The following IPCEF1 variants were observed in gnomAD, a reference collection of about 807,000 sequenced individuals.
The protein encoded by IPCEF1 is interaction protein for cytohesin exchange factors 1.
A neutral mutation model predicts 50.9 loss-of-function variants in IPCEF1; 31 were observed. That is an observed-to-expected ratio of 0.61 (90% CI 0.46 to 0.82). The LOEUF (loss-of-function observed/expected upper bound fraction) is 0.82, where lower values mean the gene tolerates loss of function less well. IPCEF1 is among the 40% of genes least tolerant of loss of function. The pLI is 0.00. For missense variants in IPCEF1, 458 were observed against 514.0 expected (o/e 0.89, Z 1.05); for synonymous variants, 181 against 192.0 (o/e 0.94, Z 0.47).
chr6:154,352,536 A>G (rs1380452493), intron 1 of IPCEF1, among the ~76,000 whole-genome samples: 1 of 152,158 alleles, frequency 6.6e-6, no homozygotes, highest in Non-Finnish European at 1.5e-5. Flanking sequence ...TTCTATGTCA[A>G]TCCCTGTGTC....
At chr6:154,248,306 C>CATGTGTGTGT (rs1554298776) in intron 3 of IPCEF1, among the ~76,000 whole-genome samples, 1 of 147,242 alleles carries the variant, frequency 6.8e-6, no homozygotes, top group Non-Finnish European at 1.5e-5. Flanking sequence ...CTTTAAAATA[C>CATGTGTGTGT]GTGTGTGTGT....
chr6:154,248,348 GAA>G (rs1185704820), intron 3 of IPCEF1, among the ~76,000 whole-genome samples: 6 of 144,500 alleles, frequency 4.2e-5, no homozygotes, highest in Non-Finnish European at 6.2e-5. Context: ...TAGAGAGAGA[GAA>G]AAAAAATTTT....
chr6:154,294,354 TAGA>T (rs1305970617), intron 1 of IPCEF1, among the ~76,000 whole-genome samples: 4 of 152,102 alleles, frequency 2.6e-5, no homozygotes, highest in African/African-American at 9.7e-5. Context: ...TGAAAATAAG[TAGA>T]AGTAGGTAAA....
intron 9 of IPCEF1, among the ~76,000 whole-genome samples, chr6:154,203,409 T>G (rs1002713390): frequency 7.9e-5 from 12 of 152,290 alleles, no homozygotes; most frequent in Admixed American, 5.2e-4. Context: ...CCTTGAACAG[T>G]AGGGATTCAA....
At chr6:154,291,289 T>C (rs189215488) in intron 1 of IPCEF1, among the ~76,000 whole-genome samples, 1 of 152,358 alleles carries the variant, frequency 6.6e-6, no homozygotes, top group Admixed American at 6.5e-5. Context: ...AAAATCTATA[T>C]ATTTGCATCT....
At chr6:154,314,176 G>T (rs1583979264) in intron 1 of IPCEF1, among the ~76,000 whole-genome samples, 1 of 152,122 alleles carries the variant, frequency 6.6e-6, no homozygotes, top group Admixed American at 6.5e-5. Context: ...ATTATAGAGT[G>T]CTTTTAATCT....
At chr6:154,227,271 C>G (rs973705080) in intron 5 of IPCEF1, among the ~76,000 whole-genome samples, 3 of 151,954 alleles carry the variant, frequency 2.0e-5, no homozygotes, top group African/African-American at 7.3e-5. Context: ...TTCCATGGAG[C>G]TGAATTAGAA....
At chr6:154,248,068 C>T (rs1345141703) in intron 3 of IPCEF1, among the ~76,000 whole-genome samples, 8 of 152,270 alleles carry the variant, frequency 5.3e-5, no homozygotes, top group African/African-American at 1.7e-4. Context: ...CCCTCCTTAT[C>T]AGGAAATTCT....
chr6:154,295,870 C>T (rs896893731), intron 1 of IPCEF1, among the ~76,000 whole-genome samples: 44 of 34,302 alleles, frequency 1.3e-3, no homozygotes, highest in Admixed American at 6.9e-3. Context: ...TGCACACGCA[C>T]ACACACACAC....
intron 1 of IPCEF1, among the ~76,000 whole-genome samples, chr6:154,298,894 G>A (rs1409325744): frequency 3.2e-5 from 3 of 95,094 alleles, no homozygotes; most frequent in Non-Finnish European, 7.8e-5. Context: ...CCCAGGAGGC[G>A]GAGGTTGCAG....
Position 154,238,623 on chromosome 6 carries a change from C to T in IPCEF1, c.246+7968G>A, listed in dbSNP as rs564675505. 5.3e-5 allele frequency among the ~76,000 whole-genome samples: 8 copies of T among 152,180 alleles called. No individual in the cohort carries two copies. In the East Asian group the frequency reaches 1.5e-3, roughly 29 times the overall value. On this transcript the variant is annotated intron_variant, in intron 5 of 11. Transcript: ENST00000367220. ...TCTGTGTGTTTGCTTCCATGTCTGT[C>T]TTCTTTTTTTATTTCGCTTACTTCT...
intron 9 of IPCEF1, among the ~76,000 whole-genome samples, chr6:154,206,715 T>A (rs1460812940): frequency 6.6e-6 from 1 of 152,196 alleles, no homozygotes. Context: ...AATCTACATC[T>A]GAAGCTACCA....
intron 11 of IPCEF1, among the ~76,000 whole-genome samples, chr6:154,165,529 G>A (rs1300414303): frequency 6.6e-6 from 1 of 152,106 alleles, no homozygotes; most frequent in East Asian, 1.9e-4. Flanking sequence ...CATGACATGG[G>A]TCCTGTTCTA....
intron 5 of IPCEF1, among the ~76,000 whole-genome samples, chr6:154,241,737 C>T (rs78921851): frequency 0.013 from 1,907 of 152,278 alleles, 46 homozygotes; most frequent in African/African-American, 0.043. Context: ...CTCTCCAAAA[C>T]ATCCAATCTA....
chr6:154,216,740 C>T lies in IPCEF1; in HGVS notation c.393-2464G>A, dbSNP rs150366495. Among the ~76,000 whole-genome samples, 317 of 152,250 alleles carry T rather than the reference C, an allele frequency of 2.1e-3. 8 individuals are homozygous for T. The East Asian group carries it at 0.042, about 20-fold the overall frequency. ...AAAATTAGCCAGGCGTGGTGGCACA[C>T]GCCTATAATCCCAGCTACTTGGGAG... On this transcript the variant is annotated intron_variant, in intron 7 of 11. Coordinates refer to ENST00000367220, the MANE Select transcript of IPCEF1 (RefSeq NM_001130700.2).
chr6:154,172,071 T>C (rs950970846), intron 10 of IPCEF1, among the ~76,000 whole-genome samples: 3 of 152,238 alleles, frequency 2.0e-5, no homozygotes, highest in African/African-American at 4.8e-5. Flanking sequence ...AAGATTGTGA[T>C]AGAAAACAAC....
chr6:154,291,546 A>G (rs74610304), intron 1 of IPCEF1, among the ~76,000 whole-genome samples: 2,845 of 152,230 alleles, frequency 0.019, 101 homozygotes, highest in African/African-American at 0.063. Flanking sequence ...ATCTCTCTGC[A>G]TATCTAAATA....
intron 2 of IPCEF1, among the ~76,000 whole-genome samples, chr6:154,266,401 T>A (rs1358370640): frequency 5.3e-5 from 8 of 151,924 alleles, no homozygotes; most frequent in Non-Finnish European, 1.0e-4. Context: ...AAATTTTTTT[T>A]AATGAATAAA....
At chr6:154,254,830 G>A (rs1215753527) in intron 3 of IPCEF1, among the ~76,000 whole-genome samples, 1 of 151,974 alleles carries the variant, frequency 6.6e-6, no homozygotes, top group Non-Finnish European at 1.5e-5. Flanking sequence ...TTTCATAGGT[G>A]AGTTTAATCT....
Sources: allele counts gnomAD v4.1 joint callset (sites outside exome capture counted in the v4.1 genomes callset), GRCh38; gene constraint gnomAD v4.1.1; transcripts MANE v1.5; gene names NCBI Gene and HGNC (gene_info 2026-07-23, HGNC 2026-07-21).